The following DZANK1 variants were observed in gnomAD, a reference collection of about 807,000 sequenced individuals.
DZANK1 encodes the protein double zinc ribbon and ankyrin repeat domains 1.
DZANK1 carries 91 observed loss-of-function variants against 94.5 expected under a neutral mutation model. The observed-to-expected ratio is 0.96, with a 90% CI of 0.81 to 1.15. The LOEUF is 1.15. DZANK1 is among the 50% of genes most tolerant of loss of function. DZANK1 has a pLI of 0.00. For synonymous variants in DZANK1, 312 were observed against 325.3 expected (o/e 0.96, Z 0.44); for missense variants, 903 against 916.4 (o/e 0.99, Z 0.19).
chr20:18,455,212 T>C (rs759336135), intron 4 of DZANK1, 35 bp downstream of exon 4: 1 of 1,517,444 alleles, frequency 6.6e-7, no homozygotes, highest in Non-Finnish European at 9.0e-7. Flanking sequence ...CAAAATACAG[T>C]GACAATCTGA....
intron 8 of DZANK1, among the ~76,000 whole-genome samples, chr20:18,438,239 AGAAATAACACAAAAG>A (rs1166111028): frequency 1.5e-5 from 2 of 134,900 alleles, no homozygotes; most frequent in African/African-American, 5.4e-5. Context: ...AAAAAAAAAA[AGAAATAACACAAAAG>A]AAAGCAGTAA....
intron 10 of DZANK1, among the ~76,000 whole-genome samples, chr20:18,423,159 G>A (rs566888364): frequency 1.2e-4 from 19 of 152,192 alleles, no homozygotes; most frequent in Non-Finnish European, 2.6e-4. Context: ...TTGCAACCTA[G>A]GAGCAATAGG....
intron 19 of DZANK1, 125 bp from the exon 20 acceptor site, chr20:18,385,215 T>G: frequency 3.8e-6 from 3 of 784,784 alleles, no homozygotes; most frequent in South Asian, 1.6e-5. Flanking sequence ...GGGAAACCTC[T>G]TGAGTCTCCT....
At chr20:18,418,913 A>C (rs1165778642) in intron 10 of DZANK1, among the ~76,000 whole-genome samples, 5 of 152,220 alleles carry the variant, frequency 3.3e-5, no homozygotes, top group Non-Finnish European at 7.3e-5. Context: ...AGTGTAAGTG[A>C]ACTGGAGGAT....
intron 6 of DZANK1, among the ~76,000 whole-genome samples, chr20:18,451,166 G>A (rs1010755838): frequency 2.6e-5 from 4 of 152,058 alleles, no homozygotes; most frequent in African/African-American, 7.2e-5. Context: ...GGCTGGTCTC[G>A]AACTCCTGAC....
chr20:18,388,089 G>A (rs1334391029), intron 19 of DZANK1, among the ~76,000 whole-genome samples: 1 of 152,184 alleles, frequency 6.6e-6, no homozygotes, highest in East Asian at 1.9e-4. Flanking sequence ...TTGGCAGAAT[G>A]TGGCTCTCAG....
At chr20:18,460,221 T>C in exon 3 of DZANK1, 1 of 1,594,988 alleles carries the variant, frequency 6.3e-7, no homozygotes, top group Non-Finnish European at 8.6e-7. Flanking sequence ...TATACTTAAA[T>C]GTGTTATTTT....
chr20:18,426,213 C>T (rs773001146), intron 10 of DZANK1, among the ~76,000 whole-genome samples: 4 of 152,078 alleles, frequency 2.6e-5, no homozygotes, highest in Non-Finnish European at 5.9e-5. Context: ...ACTGTGCATG[C>T]GAGGGATCTA....
rs553222494 is a variant in DZANK1, at chr20:18,425,339, T to C, written c.954+1728A>G. 5.6e-4 allele frequency among the ~76,000 whole-genome samples: 86 copies of C among 152,232 alleles called. 2 individuals carry two copies. The highest frequency in any genetic ancestry group is 1.9e-3 in the African/African-American group (81 of 41,548). On this transcript the variant is annotated intron_variant, in intron 10 of 20. Transcript: ENST00000262547. Reference sequence around the variant, plus strand: ...GGGCCGAGTTGGGCGGATCACGAGGTCAGGCGTTTGAGACTAGCCTGGCCA... The same window carrying C: ...GGGCCGAGTTGGGCGGATCACGAGGCCAGGCGTTTGAGACTAGCCTGGCCA...
Position 18,410,594 on chromosome 20 carries a change from G to A in DZANK1, c.1432+2052C>T, listed in dbSNP as rs554262353. The stretch of plus-strand genomic sequence containing the variant: ...TCAATAATAACATTAAATGTAGATG[G>A]ATGAAACAATCCAATTTAAAAAACA... On this transcript the variant is annotated intron_variant, in intron 13 of 20. Coordinates refer to ENST00000262547, the Ensembl canonical transcript of DZANK1. Among the ~76,000 whole-genome samples, 307 of 152,226 alleles carry A rather than the reference G, an allele frequency of 2.0e-3. 3 individuals are homozygous for A. Among genetic ancestry groups the A allele is most frequent in the Admixed American group, 8.6e-3 (131 of 15,292 alleles).
chr20:18,386,027 G>A (rs2048472058), intron 19 of DZANK1, among the ~76,000 whole-genome samples: 1 of 151,796 alleles, frequency 6.6e-6, no homozygotes, highest in Non-Finnish European at 1.5e-5. Flanking sequence ...AGTCATGACT[G>A]GAAGTAGAAA....
At chr20:18,398,739 G>C in intron 13 of DZANK1, 113 bp from the exon 14 acceptor site, 1 of 1,032,700 alleles carries the variant, frequency 9.7e-7, no homozygotes, top group East Asian at 2.4e-5. Flanking sequence ...GTCAAACTTT[G>C]TGATGGACTT....
chr20:18,431,357 C>G (rs919413481), intron 9 of DZANK1, among the ~76,000 whole-genome samples: 1 of 152,010 alleles, frequency 6.6e-6, no homozygotes, highest in Admixed American at 6.6e-5. Context: ...TGCTTTTGCA[C>G]TCAGTGGAGT....
chr20:18,383,434 G>C (rs977916336), exon 21 of DZANK1: 3 of 152,010 alleles, frequency 2.0e-5, no homozygotes, highest in Non-Finnish European at 4.4e-5. Context: ...ATAATGATGG[G>C]AATATTGATG....
intron 8 of DZANK1, among the ~76,000 whole-genome samples, chr20:18,438,387 C>A (rs1037999205): frequency 2.6e-5 from 4 of 151,890 alleles, no homozygotes; most frequent in African/African-American, 9.7e-5. Flanking sequence ...ATTCAAAAGG[C>A]AAGGTTATTC....
intron 1 of DZANK1, among the ~76,000 whole-genome samples, chr20:18,466,627 G>A (rs911231690): frequency 1.3e-5 from 2 of 152,224 alleles, no homozygotes; most frequent in South Asian, 2.1e-4. Flanking sequence ...AAATATGTAG[G>A]AGAGGAAGTA....
chr20:18,433,652 C>T (rs1215860672), exon 9 of DZANK1: 4 of 1,613,274 alleles, frequency 2.5e-6, no homozygotes, highest in Non-Finnish European at 3.4e-6. Context: ...ATTTCATTAC[C>T]TTCAAGTGGA....
At chr20:18,461,121 T>G (rs2059457576) in intron 2 of DZANK1, among the ~76,000 whole-genome samples, 1 of 152,134 alleles carries the variant, frequency 6.6e-6, no homozygotes, top group African/African-American at 2.4e-5. Flanking sequence ...CAGTGAAAAG[T>G]CTCCCCCAAC....
At chr20:18,397,284 C>T (rs1291155608) in intron 14 of DZANK1, among the ~76,000 whole-genome samples, 1 of 152,178 alleles carries the variant, frequency 6.6e-6, no homozygotes, top group Non-Finnish European at 1.5e-5. Context: ...AAAATGAGAT[C>T]GTCTTGATGT....
Sources: gnomAD v4.1 joint callset for allele counts (sites outside exome capture counted in the v4.1 genomes callset) on GRCh38, gnomAD v4.1.1 for gene constraint, MANE v1.5 for transcripts, NCBI Gene and HGNC (gene_info 2026-07-23, HGNC 2026-07-21) for gene names.